SLC4A10: variants seen among roughly 807,000 people sequenced by gnomAD.
SLC4A10 encodes the protein sodium-driven chloride bicarbonate exchanger.
In SLC4A10, 42 loss-of-function variants were observed where a neutral mutation model predicts 137.7. The ratio of observed to expected loss-of-function variants is 0.30; its 90% CI spans 0.24 to 0.39. The LOEUF (loss-of-function observed/expected upper bound fraction) is 0.39, where lower values mean the gene tolerates loss of function less well. Among genes scored for constraint, SLC4A10 ranks in the 10% least tolerant of loss-of-function variants. The pLI is 1.00. For missense variants in SLC4A10, 925 were observed against 1,355.0 expected, an observed-to-expected ratio of 0.68 and a Z score of 4.98; for synonymous variants, 474 against 464.1, an observed-to-expected ratio of 1.02 and a Z score of -0.27.
chr2:161,921,470 G>GT (rs1461150630), intron 15 of SLC4A10, among the ~76,000 whole-genome samples: 1 of 152,178 alleles, frequency 6.6e-6, no homozygotes, highest in Non-Finnish European at 1.5e-5. Flanking sequence ...GGCATAGAAT[G>GT]TTTAAGTCCT....
intron 1 of SLC4A10, among the ~76,000 whole-genome samples, chr2:161,685,125 A>C (rs1328213403): frequency 6.6e-6 from 1 of 152,214 alleles, no homozygotes; most frequent in African/African-American, 2.4e-5. Context: ...GGTGATTATC[A>C]GCAGGAATTT....
intron 23 of SLC4A10, among the ~76,000 whole-genome samples, chr2:161,966,684 G>A (rs1034976350): frequency 6.6e-6 from 1 of 151,076 alleles, no homozygotes; most frequent in African/African-American, 2.4e-5. Flanking sequence ...GGAGGTGGAC[G>A]TTGCAGTGAG....
At chr2:161,876,702 A>G (rs2125943981) in intron 8 of SLC4A10, among the ~76,000 whole-genome samples, 1 of 152,272 alleles carries the variant, frequency 6.6e-6, no homozygotes, top group Non-Finnish European at 1.5e-5. Context: ...AACCAAACCA[A>G]AAAAGATAGT....
At chr2:161,924,760 T>A (rs971888247) in intron 15 of SLC4A10, among the ~76,000 whole-genome samples, 1 of 152,144 alleles carries the variant, frequency 6.6e-6, no homozygotes, top group Non-Finnish European at 1.5e-5. Flanking sequence ...AAAGTCACGG[T>A]TAAAATGTAA....
At position 161,840,992 on chromosome 2, in the gene SLC4A10, C is replaced by T. The variant is rs116037970; in HGVS notation, c.416+1065C>T. Among the ~76,000 whole-genome samples, 1,294 of 152,092 alleles carry T rather than the reference C, an allele frequency of 8.5e-3. 13 individuals carry two copies. The highest frequency in any genetic ancestry group is 0.029 in the African/African-American group (1,222 of 41,476). On this transcript the variant is annotated intron_variant, in intron 4 of 26. Transcript: ENST00000446997. ...GTGAGTTGGGTTGGAGTTAGCTAGG[C>T]AGAAAAGCAGAGGGGACAGTATTCT...
At chr2:161,959,025 A>G (rs1696151891) in intron 21 of SLC4A10, among the ~76,000 whole-genome samples, 1 of 152,190 alleles carries the variant, frequency 6.6e-6, no homozygotes, top group Non-Finnish European at 1.5e-5. Flanking sequence ...CTGAAAATTG[A>G]TAATTATAGG....
At chr2:161,707,003 T>C (rs1160635590) in intron 1 of SLC4A10, among the ~76,000 whole-genome samples, 2 of 151,590 alleles carry the variant, frequency 1.3e-5, no homozygotes, top group Non-Finnish European at 3.0e-5. Context: ...ATAGAAGATA[T>C]TCAATATTTT....
intron 1 of SLC4A10, among the ~76,000 whole-genome samples, chr2:161,676,315 T>G (rs932206388): frequency 2.6e-5 from 4 of 151,874 alleles, no homozygotes; most frequent in African/African-American, 9.7e-5. Flanking sequence ...CTGAAAAGAC[T>G]GTGGGCACTG....
chr2:161,879,756 G>A (rs570483584), intron 9 of SLC4A10, among the ~76,000 whole-genome samples: 14 of 152,088 alleles, frequency 9.2e-5, no homozygotes, highest in South Asian at 2.1e-4. Context: ...TTAGGATAGC[G>A]TCAAATATAT....
rs559649505 is a variant in SLC4A10, at chr2:161,937,249, A to C, written c.1998-5543A>C. ...CATTTCAGTTAATGATCTGGACCTT[A>C]AATGATGGCAGCATAATCAATGTTA... On this transcript the variant is annotated intron_variant, in intron 15 of 26. Transcript: ENST00000446997. Among the ~76,000 whole-genome samples the C allele has an allele frequency of 3.3e-5, 5 of 152,326 alleles. No homozygotes were observed. The South Asian group carries it at 1.0e-3, about 32-fold the overall frequency.
At chr2:161,884,090 C>A (rs1252808210) in intron 10 of SLC4A10, among the ~76,000 whole-genome samples, 1 of 152,114 alleles carries the variant, frequency 6.6e-6, no homozygotes, top group African/African-American at 2.4e-5. Context: ...GAGGGCCATA[C>A]ACCTGATTTA....
intron 16 of SLC4A10, among the ~76,000 whole-genome samples, chr2:161,945,895 G>A (rs1244429692): frequency 6.6e-6 from 1 of 151,888 alleles, no homozygotes; most frequent in Non-Finnish European, 1.5e-5. Flanking sequence ...TATACCTGCA[G>A]AAATGACAAA....
intron 19 of SLC4A10, among the ~76,000 whole-genome samples, chr2:161,953,813 T>C (rs906797952): frequency 1.3e-5 from 2 of 152,210 alleles, no homozygotes; most frequent in Non-Finnish European, 2.9e-5. Flanking sequence ...TGAAGTATCA[T>C]GTATATTATA....
intron 7 of SLC4A10, chr2:161,873,693 G>A (rs920111058): frequency 1.4e-5 from 6 of 441,596 alleles, no homozygotes; most frequent in African/African-American, 1.2e-4. Flanking sequence ...AATAATTATA[G>A]TAGTGGGAGG....
At chr2:161,783,482 G>C (rs148459055) in intron 2 of SLC4A10, among the ~76,000 whole-genome samples, 1 of 151,996 alleles carries the variant, frequency 6.6e-6, no homozygotes, top group Non-Finnish European at 1.5e-5. Context: ...TACTGCAATA[G>C]TGGTAGGTAG....
intron 1 of SLC4A10, among the ~76,000 whole-genome samples, chr2:161,665,709 T>A (rs1053000811): frequency 6.6e-6 from 1 of 151,362 alleles, no homozygotes; most frequent in Non-Finnish European, 1.5e-5. Context: ...AATATAAAAA[T>A]TAATTATTTT....
chr2:161,884,686 A>G (rs1165965022), intron 10 of SLC4A10, among the ~76,000 whole-genome samples: 1 of 152,240 alleles, frequency 6.6e-6, no homozygotes, highest in African/African-American at 2.4e-5. Context: ...TATGGGATAG[A>G]GAAGCAGAAA....
At chr2:161,658,404 T>C (rs1206520675) in intron 1 of SLC4A10, among the ~76,000 whole-genome samples, 1 of 152,170 alleles carries the variant, frequency 6.6e-6, no homozygotes, top group Non-Finnish European at 1.5e-5. Flanking sequence ...TGGTTTTGTA[T>C]CTGTTGAAAC....
At chr2:161,956,896 T>C (rs1695767326) in intron 19 of SLC4A10, 93 bp from the exon 20 acceptor site, 2 of 1,332,756 alleles carry the variant, frequency 1.5e-6, no homozygotes, top group Middle Eastern at 2.1e-4. Context: ...GCTTGTTGAG[T>C]ATCATCAGGA....
Sources: allele counts gnomAD v4.1 joint callset (sites outside exome capture counted in the v4.1 genomes callset), GRCh38; gene constraint gnomAD v4.1.1; transcripts MANE v1.5; gene names NCBI Gene and HGNC (gene_info 2026-07-23, HGNC 2026-07-21).